CCDC92B: variants seen among roughly 807,000 people sequenced by gnomAD.
The protein encoded by CCDC92B is coiled-coil domain-containing 92B.
In CCDC92B, 2 loss-of-function variants were observed where a neutral mutation model predicts 5.6. That is an observed-to-expected ratio of 0.36 (90% CI 0.15 to 1.12). The LOEUF is 1.12. Ranked by LOEUF, CCDC92B falls within the 50% of genes most tolerant of loss-of-function variation. CCDC92B has a pLI of 0.40. For synonymous variants in CCDC92B, 115 were observed against 122.3 expected (o/e 0.94, Z 0.39); for missense variants, 271 against 262.2 (o/e 1.03, Z -0.23).
chr17:2,747,503 G>A (rs2071000789), intron 1 of CCDC92B, among the ~76,000 whole-genome samples: 1 of 152,192 alleles, frequency 6.6e-6, no homozygotes, highest in Non-Finnish European at 1.5e-5. Context: ...GACTGGGGCA[G>A]ATCACCTGAG....
intron 3 of CCDC92B, among the ~76,000 whole-genome samples, chr17:2,727,136 C>A (rs1038750103): frequency 2.0e-5 from 3 of 152,168 alleles, no homozygotes; most frequent in Admixed American, 6.5e-5. Context: ...CCTGCCTCAG[C>A]CTCATAAAGT....
In CCDC92B at chr17:2,727,004, G is replaced by A. The variant is rs560901544; in HGVS notation, c.179-2004C>T. On this transcript the variant is annotated intron_variant, in intron 3 of 3. Transcript: ENST00000614400. ...ACTGCAGCCTCTATCACCTGGGCTT[G>A]AGTAATTCTCCCACCTCAGCCTTCC... Among the ~76,000 whole-genome samples the A allele has an allele frequency of 5.3e-5, 8 of 150,658 alleles. No homozygotes were observed. The East Asian group carries it at 1.6e-3, about 29-fold the overall frequency.
At chr17:2,740,673 C>A (rs2070915486) in intron 1 of CCDC92B, among the ~76,000 whole-genome samples, 1 of 151,028 alleles carries the variant, frequency 6.6e-6, no homozygotes, top group South Asian at 2.1e-4. Flanking sequence ...AAAAAACAAA[C>A]AAAACAAAAA....
In CCDC92B at chr17:2,722,298, G is replaced by C. The variant is rs2070666785; in HGVS notation, c.*2113C>G. On this transcript the variant is annotated 3_prime_UTR_variant, in exon 4 of 4. Transcript: ENST00000614400. ...AGTTACACACACTTGAGGGGGGACAGAGATGGTACAGGCGCAACCACAGGA... is the reference window on the plus strand; with the variant it reads ...AGTTACACACACTTGAGGGGGGACACAGATGGTACAGGCGCAACCACAGGA... 6.6e-6 allele frequency: 1 copy of C among 152,284 alleles called. No individual in the cohort carries two copies. The highest frequency in any genetic ancestry group is 1.5e-5 in the Non-Finnish European group (1 of 68,156). The allele number at this position is 152,284 out of a possible 1,614,324, so 9.4% of individuals were successfully genotyped here.
Position 2,748,506 on chromosome 17 carries a change from TTGTGTGTG to T in CCDC92B, c.-24+897_-24+904del, listed in dbSNP as rs58659149. The T allele has an allele frequency of 0.014, 13,157 of 972,066 alleles. 1,012 individuals carry two copies. The African/African-American group carries it at 0.22, about 16-fold the overall frequency. 60.2% of individuals were successfully genotyped at this position (972,066 alleles called of 1,614,324 possible). A position where few individuals can be genotyped will look rare whatever the true frequency, so the allele number is the denominator to read the frequency against. On this transcript the variant is annotated intron_variant, in intron 1 of 3. Transcript: ENST00000614400. ...GCAAAGCCATAAGTCTTCATCGTGTTTGTGTGTGTGTGTGTGTGTGTGTGTGTGTGTGT... is the reference window on the plus strand; with the variant it reads ...GCAAAGCCATAAGTCTTCATCGTGTTTGTGTGTGTGTGTGTGTGTGTGTGT...
intron 1 of CCDC92B, among the ~76,000 whole-genome samples, chr17:2,741,857 A>G (rs1010727071): frequency 1.8e-4 from 27 of 149,906 alleles, no homozygotes; most frequent in African/African-American, 7.4e-5. Context: ...CTCCCAAAGT[A>G]CTGGGATCAC....
At chr17:2,741,260 G>A (rs906800745) in intron 1 of CCDC92B, among the ~76,000 whole-genome samples, 17 of 152,044 alleles carry the variant, frequency 1.1e-4, no homozygotes, top group African/African-American at 3.6e-4. Flanking sequence ...AGTGCTTCAC[G>A]TGGTCTGTCT....
rs1250962101 is a variant in CCDC92B, at chr17:2,724,761, G to A, written c.418C>T (p.Leu140Phe). Residue 140 changes from leucine to phenylalanine, a missense_variant, in exon 4 of 4, where the codon CTC (leucine) becomes TTC (phenylalanine). By Grantham distance (22) the Leu-to-Phe change is conservative (BLOSUM62 0). Transcript: ENST00000614400. The surrounding 1 kb of genome is among the most constrained non-coding windows in gnomAD (Gnocchi z 5.0). ...LQKHTEAAAY[L>F]SCQLHAARQR... ...CGCGCCGCGTGCAGCTGGCAGGAGA[G>A]GTAGGCGGCCGCCTCGGTGTGCTTC... 1.0e-6 allele frequency: 1 copy of A among 984,538 alleles called. No individual in the cohort carries two copies. Among genetic ancestry groups the A allele is most frequent in the Non-Finnish European group, 1.2e-6 (1 of 829,594 alleles). The allele number at this position is 984,538 out of a possible 1,614,324, so 61.0% of individuals were successfully genotyped here.
At chr17:2,734,995 A>G in intron 2 of CCDC92B, 21 bp downstream of exon 2, 6 of 985,544 alleles carry the variant, frequency 6.1e-6, no homozygotes, top group Non-Finnish European at 7.2e-6. Context: ...CCACCCGTCC[A>G]GCCGCCTCTC....
chr17:2,724,912 C>T lies in CCDC92B; in HGVS notation c.267G>A (p.Arg89=), dbSNP rs2070707914. ...ARAAANAELR[R]EVAQREALVS... ...CCAGCGCCTCGCGCTGCGCCACCTC[C>T]CGCCGCAGCTCCGCGTTGGCCGCAG... The change falls in exon 4 of 4, where the codon CGG becomes CGA. Residue 89 remains arginine (R), a synonymous_variant. Transcript: ENST00000614400. This position sits in a 1 kb window ranked among gnomAD's most constrained non-coding sequence, Gnocchi z 5.0. 3 of 985,214 alleles carry T rather than the reference C, an allele frequency of 3.0e-6. No individual in the cohort carries two copies. The highest frequency in any genetic ancestry group is 3.6e-6 in the Non-Finnish European group (3 of 829,882). 61.0% of individuals were successfully genotyped at this position (985,214 alleles called of 1,614,324 possible).
At chr17:2,735,362 T>C (rs1198560337) in intron 1 of CCDC92B, among the ~76,000 whole-genome samples, 194 bp from the exon 2 acceptor site, 1 of 152,226 alleles carries the variant, frequency 6.6e-6, no homozygotes, top group African/African-American at 2.4e-5. Flanking sequence ...AAAGCATCAT[T>C]ACTCTCATTT....
rs1446845866 is a variant in CCDC92B, at chr17:2,722,012, G to C, written c.*2399C>G. 1 of 152,094 alleles carries C rather than the reference G, an allele frequency of 6.6e-6. No individual in the cohort carries two copies. The highest frequency in any genetic ancestry group is 2.4e-5 in the African/African-American group (1 of 41,372). The allele number at this position is 152,094 out of a possible 1,614,324, so 9.4% of individuals were successfully genotyped here. A position where few individuals can be genotyped will look rare whatever the true frequency, so the allele number is the denominator to read the frequency against. ...GCTATTGCTATAGAGCTGGGGGGAG[G>C]CCAGGCGGACGGAGCTATGGCTTTT... On this transcript the variant is annotated 3_prime_UTR_variant, in exon 4 of 4. Transcript: ENST00000614400.
intron 3 of CCDC92B, 37 bp from the exon 4 acceptor site, chr17:2,725,037 C>T (rs1237077926): frequency 1.0e-6 from 1 of 984,976 alleles, no homozygotes; most frequent in Non-Finnish European, 1.2e-6. Context: ...ACGGTCTCCC[C>T]CTGGCTTGGA....
At chr17:2,735,260 C>G (rs2070845087) in intron 1 of CCDC92B, 92 bp from the exon 2 acceptor site, 2 of 858,138 alleles carry the variant, frequency 2.3e-6, no homozygotes, top group African/African-American at 3.7e-5. Flanking sequence ...GCTCTAGGTC[C>G]TGTTGCCACC....
chr17:2,726,605 C>T (rs1645060651), intron 3 of CCDC92B, among the ~76,000 whole-genome samples: 1 of 152,050 alleles, frequency 6.6e-6, no homozygotes, highest in Non-Finnish European at 1.5e-5. Flanking sequence ...GCGTGAGCCA[C>T]TGCACCTGGC....
At chr17:2,729,041 T>TA (rs953532497) in intron 3 of CCDC92B, among the ~76,000 whole-genome samples, 70 of 151,274 alleles carry the variant, frequency 4.6e-4, no homozygotes, top group African/African-American at 1.5e-3. Context: ...TTTTTAATAT[T>TA]AAAAAAAAAT....
At chr17:2,726,744 G>A (rs1396118768) in intron 3 of CCDC92B, among the ~76,000 whole-genome samples, 3 of 151,982 alleles carry the variant, frequency 2.0e-5, no homozygotes, top group Admixed American at 2.0e-4. Flanking sequence ...CTCCGGAGTA[G>A]CTGGGATTAC....
intron 3 of CCDC92B, among the ~76,000 whole-genome samples, chr17:2,728,014 AAAAG>A (rs2070753123): frequency 6.6e-6 from 1 of 152,048 alleles, no homozygotes; most frequent in Non-Finnish European, 1.5e-5. Context: ...TGTCTCTAAA[AAAAG>A]AAAGAGTTCT....
At chr17:2,732,836 ACC>A (rs1421677058) in intron 2 of CCDC92B, among the ~76,000 whole-genome samples, 1 of 151,372 alleles carries the variant, frequency 6.6e-6, no homozygotes, top group East Asian at 1.9e-4. Flanking sequence ...ACACGGTGAA[ACC>A]CCGTCTCTAC....
Sources: allele counts gnomAD v4.1 joint callset (sites outside exome capture counted in the v4.1 genomes callset), GRCh38; gene constraint gnomAD v4.1.1; non-coding constraint Gnocchi (gnomAD v3.1); transcripts MANE v1.5; gene names NCBI Gene and HGNC (gene_info 2026-07-23, HGNC 2026-07-21).